ZNF804A: variants seen among roughly 807,000 people sequenced by gnomAD.
ZNF804A encodes zinc finger protein 804A.
A neutral mutation model predicts 16.5 loss-of-function variants in ZNF804A; 2 were observed. The observed-to-expected ratio is 0.12, with a 90% CI of 0.05 to 0.38. ZNF804A has a LOEUF of 0.38. ZNF804A is among the 10% of genes least tolerant of loss of function. ZNF804A has a pLI of 0.99. For synonymous variants in ZNF804A, 534 were observed against 489.6 expected (o/e 1.09, Z -1.20); for missense variants, 1,473 against 1,390.7 (o/e 1.06, Z -0.94).
chr2:184,652,302 G>A (rs183077958), intron 1 of ZNF804A, among the ~76,000 whole-genome samples: 3 of 152,198 alleles, frequency 2.0e-5, no homozygotes, highest in Non-Finnish European at 2.9e-5. Context: ...AAGAAAGGAA[G>A]GGAATGAGGG....
chr2:184,604,719 C>A (rs1381436432), intron 1 of ZNF804A, among the ~76,000 whole-genome samples: 1 of 152,158 alleles, frequency 6.6e-6, no homozygotes, highest in East Asian at 1.9e-4. Context: ...CCATTGAAGG[C>A]ACTTCAGTGT....
At chr2:184,866,127 T>A (rs890370807) in intron 1 of ZNF804A, among the ~76,000 whole-genome samples, 1 of 152,220 alleles carries the variant, frequency 6.6e-6, no homozygotes, top group Non-Finnish European at 1.5e-5. Flanking sequence ...TTTATTTCTA[T>A]CATTTGCATT....
chr2:184,805,470 T>G (rs1350881673), intron 1 of ZNF804A, among the ~76,000 whole-genome samples: 1 of 152,050 alleles, frequency 6.6e-6, no homozygotes, highest in Non-Finnish European at 1.5e-5. Context: ...CTCAAACCAC[T>G]TACTGTACTT....
chr2:184,796,457 G>C (rs189322454), intron 1 of ZNF804A, among the ~76,000 whole-genome samples: 1 of 152,158 alleles, frequency 6.6e-6, no homozygotes, highest in African/African-American at 2.4e-5. Flanking sequence ...AGCTAGGAGG[G>C]CTGTATTTTT....
chr2:184,869,145 AT>A (rs757047852), intron 2 of ZNF804A, among the ~76,000 whole-genome samples: 2 of 151,990 alleles, frequency 1.3e-5, no homozygotes, highest in Non-Finnish European at 2.9e-5. Flanking sequence ...TGAAAAAAAA[AT>A]TTCTGAAATC....
intron 1 of ZNF804A, among the ~76,000 whole-genome samples, chr2:184,641,997 CT>C (rs1431376857): frequency 6.6e-6 from 1 of 152,116 alleles, no homozygotes; most frequent in Non-Finnish European, 1.5e-5. Context: ...TCTCCTTTAA[CT>C]TTTAATGTCT....
At chr2:184,804,343 C>G (rs1694769626) in intron 1 of ZNF804A, among the ~76,000 whole-genome samples, 1 of 152,170 alleles carries the variant, frequency 6.6e-6, no homozygotes, top group Non-Finnish European at 1.5e-5. Context: ...ATTAAACCAA[C>G]CAGAGACAGT....
intron 1 of ZNF804A, among the ~76,000 whole-genome samples, chr2:184,664,312 G>T (rs1692223736): frequency 6.6e-6 from 1 of 152,078 alleles, no homozygotes; most frequent in Non-Finnish European, 1.5e-5. Flanking sequence ...GATTGAATTA[G>T]ATATTCATCA....
intron 1 of ZNF804A, among the ~76,000 whole-genome samples, chr2:184,802,995 A>C (rs771755078): frequency 2.6e-5 from 4 of 152,224 alleles, no homozygotes; most frequent in Non-Finnish European, 5.9e-5. Flanking sequence ...AGTACAAGTC[A>C]CTGACTAGTA....
chr2:184,851,102 T>C (rs913439632), intron 1 of ZNF804A, among the ~76,000 whole-genome samples: 59 of 151,886 alleles, frequency 3.9e-4, no homozygotes, highest in Non-Finnish European at 7.7e-4. Flanking sequence ...GAACAATATG[T>C]TGTTTTGAAA....
At chr2:184,661,708 G>A (rs1692178478) in intron 1 of ZNF804A, among the ~76,000 whole-genome samples, 1 of 152,152 alleles carries the variant, frequency 6.6e-6, no homozygotes, top group Admixed American at 6.5e-5. Context: ...GGAACCAGCA[G>A]CTTGGTTTTC....
chr2:184,637,643 A>G (rs192584066), intron 1 of ZNF804A, among the ~76,000 whole-genome samples: 22 of 142,122 alleles, frequency 1.5e-4, no homozygotes, highest in Admixed American at 4.3e-4. Flanking sequence ...TTCTACTCAG[A>G]GTTAATATGT....
chr2:184,913,644 A>T (rs1685397988), intron 2 of ZNF804A, among the ~76,000 whole-genome samples: 1 of 152,140 alleles, frequency 6.6e-6, no homozygotes, highest in South Asian at 2.1e-4. Context: ...GTGATCATTC[A>T]GTTCCTGTAA....
chr2:184,741,731 A>G (rs1261119100), intron 1 of ZNF804A, among the ~76,000 whole-genome samples: 1 of 152,196 alleles, frequency 6.6e-6, no homozygotes. Context: ...TCAAATATGT[A>G]GAAAAATATA....
chr2:184,745,389 T>C (rs1397401183), intron 1 of ZNF804A, among the ~76,000 whole-genome samples: 2 of 151,778 alleles, frequency 1.3e-5, no homozygotes, highest in Non-Finnish European at 3.0e-5. Flanking sequence ...ATAGCTAATG[T>C]ATTCAGTATT....
intron 1 of ZNF804A, among the ~76,000 whole-genome samples, chr2:184,710,509 G>A (rs1693108257): frequency 6.6e-6 from 1 of 150,584 alleles, no homozygotes; most frequent in East Asian, 1.9e-4. Context: ...TGCTTTTATT[G>A]TAGTGAGAAC....
At chr2:184,777,318 G>C (rs982568174) in intron 1 of ZNF804A, among the ~76,000 whole-genome samples, 1 of 151,548 alleles carries the variant, frequency 6.6e-6, no homozygotes, top group Non-Finnish European at 1.5e-5. Context: ...TTACCCTTCA[G>C]TGTCTTAGTT....
chr2:184,695,492 A>AAAAAAAAAAAT (rs1692817109), intron 1 of ZNF804A, among the ~76,000 whole-genome samples: 1 of 149,190 alleles, frequency 6.7e-6, no homozygotes, highest in African/African-American at 2.5e-5. Context: ...AAAAAAAAAA[A>AAAAAAAAAAAT]GAATGACTTT....
intron 1 of ZNF804A, among the ~76,000 whole-genome samples, chr2:184,610,289 C>T (rs1691215440): frequency 6.6e-6 from 1 of 152,026 alleles, no homozygotes. Flanking sequence ...ATGTATTATC[C>T]AGTGTCAAGT....
Sources: allele counts gnomAD v4.1 joint callset (sites outside exome capture counted in the v4.1 genomes callset), GRCh38; gene constraint gnomAD v4.1.1; transcripts MANE v1.5; gene names NCBI Gene and HGNC (gene_info 2026-07-23, HGNC 2026-07-21).